The following LSAMP variants were observed in gnomAD, a reference collection of about 807,000 sequenced individuals.
LSAMP encodes limbic system associated membrane protein.
In LSAMP, 7 loss-of-function variants were observed where a neutral mutation model predicts 38.6. The ratio of observed to expected loss-of-function variants is 0.18; its 90% CI spans 0.10 to 0.34. The LOEUF is 0.34. LSAMP is among the 10% of genes least tolerant of loss of function. The pLI, the probability that LSAMP is intolerant of heterozygous loss-of-function variation, is 1.00. For synonymous variants in LSAMP, 154 were observed against 166.8 expected, an observed-to-expected ratio of 0.92 and a Z score of 0.59; for missense variants, 313 against 420.0, an observed-to-expected ratio of 0.75 and a Z score of 2.23.
chr3:116,092,643 T>C (rs1413265975), intron 1 of LSAMP, among the ~76,000 whole-genome samples: 1 of 152,226 alleles, frequency 6.6e-6, no homozygotes, highest in Non-Finnish European at 1.5e-5. Flanking sequence ...GCATTGAATT[T>C]CTTCAAACAC....
chr3:116,162,749 T>C (rs1709927514), intron 1 of LSAMP, among the ~76,000 whole-genome samples: 1 of 130,564 alleles, frequency 7.7e-6, no homozygotes, highest in South Asian at 2.6e-4. Flanking sequence ...TATATATACA[T>C]ATCGTATACA....
intron 1 of LSAMP, among the ~76,000 whole-genome samples, chr3:116,316,503 T>C (rs750428478): frequency 6.6e-6 from 1 of 152,158 alleles, no homozygotes; most frequent in Non-Finnish European, 1.5e-5. Context: ...CCGGGCGCCG[T>C]GGCTCACGCC....
chr3:115,852,798 A>G (rs1263982262), intron 3 of LSAMP, among the ~76,000 whole-genome samples, 181 bp from the exon 4 acceptor site: 1 of 152,222 alleles, frequency 6.6e-6, no homozygotes, highest in Non-Finnish European at 1.5e-5. Flanking sequence ...AAAGTGATTG[A>G]GTAGAAAATA....
At chr3:116,378,988 AACACACACACACACACACAC>A (rs3028640) in intron 1 of LSAMP, among the ~76,000 whole-genome samples, 7 of 137,128 alleles carry the variant, frequency 5.1e-5, no homozygotes, top group South Asian at 2.5e-4. Flanking sequence ...AATTGCTCAG[AACACACACACACACACACAC>A]ACACACACAC....
At chr3:116,030,974 T>C (rs1940905769) in intron 2 of LSAMP, among the ~76,000 whole-genome samples, 1 of 152,108 alleles carries the variant, frequency 6.6e-6, no homozygotes, top group African/African-American at 2.4e-5. Context: ...ACCAAAATAT[T>C]TTTTTCTGTG....
chr3:116,376,546 A>C (rs947975856), intron 1 of LSAMP, among the ~76,000 whole-genome samples: 5 of 152,068 alleles, frequency 3.3e-5, no homozygotes, highest in African/African-American at 4.8e-5. Flanking sequence ...CTTTGGGTTC[A>C]TCCAAAGGAA....
chr3:116,311,018 T>A (rs912861491), intron 1 of LSAMP, among the ~76,000 whole-genome samples: 1 of 151,984 alleles, frequency 6.6e-6, no homozygotes, highest in Non-Finnish European at 1.5e-5. Context: ...ATAGAGAAGT[T>A]TGTCAATTTA....
chr3:116,004,752 T>C (rs1940108340), intron 3 of LSAMP, among the ~76,000 whole-genome samples: 1 of 152,084 alleles, frequency 6.6e-6, no homozygotes, highest in Non-Finnish European at 1.5e-5. Flanking sequence ...GAATATGGAA[T>C]CCCTACTGGT....
chr3:116,257,613 A>G (rs1389374957), intron 1 of LSAMP, among the ~76,000 whole-genome samples: 2 of 152,180 alleles, frequency 1.3e-5, no homozygotes, highest in East Asian at 1.9e-4. Flanking sequence ...AAAATAAACA[A>G]CAAAACAGAA....
At chr3:115,943,961 C>T (rs1190480264) in intron 3 of LSAMP, among the ~76,000 whole-genome samples, 4 of 152,160 alleles carry the variant, frequency 2.6e-5, no homozygotes, top group East Asian at 1.9e-4. Flanking sequence ...AGAAGCTATC[C>T]TGGTGGCTCA....
At chr3:116,237,538 G>A (rs2046481397) in intron 1 of LSAMP, among the ~76,000 whole-genome samples, 1 of 152,146 alleles carries the variant, frequency 6.6e-6, no homozygotes, top group Non-Finnish European at 1.5e-5. Flanking sequence ...ATGCATATCT[G>A]CTTACACAAT....
intron 3 of LSAMP, among the ~76,000 whole-genome samples, chr3:115,860,873 G>A (rs1490921510): frequency 6.6e-6 from 1 of 152,116 alleles, no homozygotes; most frequent in African/African-American, 2.4e-5. Flanking sequence ...CTCCGAGCAG[G>A]AAAAATGAGG....
intron 3 of LSAMP, among the ~76,000 whole-genome samples, chr3:115,872,077 T>C (rs1489644446): frequency 1.3e-5 from 2 of 152,146 alleles, no homozygotes; most frequent in African/African-American, 2.4e-5. Context: ...TTTTCTCTCT[T>C]CTTAGATTTC....
intron 1 of LSAMP, among the ~76,000 whole-genome samples, chr3:116,271,759 T>TTAGTC (rs2046977080): frequency 6.6e-6 from 1 of 152,130 alleles, no homozygotes. Flanking sequence ...CAATTTGTAG[T>TTAGTC]TAGTCTAAAA....
At chr3:116,225,568 A>C (rs1400080524) in intron 1 of LSAMP, among the ~76,000 whole-genome samples, 1 of 152,168 alleles carries the variant, frequency 6.6e-6, no homozygotes, top group East Asian at 1.9e-4. Context: ...TATTTGTGTT[A>C]GATGTGACAT....
At chr3:116,157,513 T>G (rs1709781461) in intron 1 of LSAMP, among the ~76,000 whole-genome samples, 1 of 152,110 alleles carries the variant, frequency 6.6e-6, no homozygotes, top group Admixed American at 6.6e-5. Context: ...AATTACATTA[T>G]GACTCCAAAA....
chr3:116,346,440 C>T lies in LSAMP; in HGVS notation c.155+98437G>A, dbSNP rs147816426. Among the ~76,000 whole-genome samples, 399 of 151,908 alleles carry T rather than the reference C, an allele frequency of 2.6e-3. 5 individuals carry two copies. Among genetic ancestry groups the T allele is most frequent in the African/African-American group, 9.2e-3 (381 of 41,430 alleles). On this transcript the variant is annotated intron_variant, in intron 1 of 6. Transcript: ENST00000490035. ...GCTTCCCAGGCTCAAGCGATCCTCC[C>T]GCCTCAGTGTCCACAGTAGCTGAGA...
At chr3:116,032,216 T>C (rs1940943277) in intron 2 of LSAMP, among the ~76,000 whole-genome samples, 1 of 152,070 alleles carries the variant, frequency 6.6e-6, no homozygotes, top group Non-Finnish European at 1.5e-5. Flanking sequence ...GAAGAAATAA[T>C]AAAAGTAATA....
intron 1 of LSAMP, among the ~76,000 whole-genome samples, chr3:116,188,600 T>A (rs1710679763): frequency 2.0e-5 from 3 of 152,200 alleles, no homozygotes; most frequent in Admixed American, 2.0e-4. Context: ...TTGCTGGCCC[T>A]GCTAGATTCA....
Sources: gnomAD v4.1 joint callset for allele counts (sites outside exome capture counted in the v4.1 genomes callset) on GRCh38, gnomAD v4.1.1 for gene constraint, MANE v1.5 for transcripts, NCBI Gene and HGNC (gene_info 2026-07-23, HGNC 2026-07-21) for gene names.